Variants in TNFRSF18 observed in about 807,000 individuals in gnomAD.
TNFRSF18 encodes the protein tumor necrosis factor receptor superfamily member 18.
Under a neutral mutation model 30.2 loss-of-function variants are expected in TNFRSF18, and 36 were observed. The ratio of observed to expected loss-of-function variants is 1.19; its 90% confidence interval spans 0.91 to 1.58. The LOEUF is 1.58. Among genes scored for constraint, TNFRSF18 ranks in the 40% most tolerant of loss-of-function variants. The probability of loss-of-function intolerance (pLI) is 0.00; values close to 1 mark genes in which losing one functional copy is unlikely to be tolerated. For missense variants in TNFRSF18, 369 were observed against 345.4 expected (o/e 1.07, Z -0.54); for synonymous variants, 173 against 158.3 (o/e 1.09, Z -0.70).
chr1:1,203,897 G>T lies in TNFRSF18; in HGVS notation c.673C>A (p.Arg225=). The T allele has an allele frequency of 2.5e-6, 4 of 1,606,444 alleles. No individual in the cohort carries two copies. The highest frequency in any genetic ancestry group is 2.5e-6 in the Non-Finnish European group (3 of 1,179,228). ...ARSCQFPEEE[R]GERSAEEKGR... ...TTCTCCTCTGCCGATCGCTCGCCCC[G>T]CTCTTCCTCGGGGAACTGGCAGCTT... The change falls in exon 5 of 5, where the codon CGG becomes AGG. Residue 225 remains arginine (R), a synonymous_variant. Coordinates refer to ENST00000379268, the MANE Select transcript of TNFRSF18 (RefSeq NM_004195.3).
In TNFRSF18 at chr1:1,204,500, TGGGG is replaced by T; in HGVS notation, c.311-18_311-15del. 2.8e-5 allele frequency: 10 copies of T among 354,578 alleles called. No individual in the cohort carries two copies. Among genetic ancestry groups the T allele is most frequent in the Non-Finnish European group, 5.0e-5 (9 of 181,072 alleles). The allele number at this position is 354,578 out of a possible 1,614,324, so 22.0% of individuals were successfully genotyped here. A position where few individuals can be genotyped will look rare whatever the true frequency, so the allele number is the denominator to read the frequency against. On this transcript the variant is annotated splice_polypyrimidine_tract_variant and intron_variant, in intron 2 of 4. Transcript: ENST00000379268. ...AACTGAATTTCCCTGGTGTGGGGTG[TGGGG>T]GGAGGGAGGGAGGGAGGCTGGTGGA... is the stretch of plus-strand genomic sequence containing the variant.
chr1:1,205,940 C>T (rs1454538911), intron 1 of TNFRSF18, among the ~76,000 whole-genome samples: 1 of 152,240 alleles, frequency 6.6e-6, no homozygotes. Flanking sequence ...GGGGTGACTT[C>T]CCTGCCAGCT....
rs369069502 is a variant in TNFRSF18 at position 1,203,579 on chromosome 1, C to T, written c.*265G>A. The T allele has an allele frequency of 1.2e-4, 178 of 1,497,118 alleles. No homozygotes were observed. Among genetic ancestry groups the T allele is most frequent in the Non-Finnish European group, 1.4e-4 (164 of 1,131,864 alleles). 92.7% of individuals were successfully genotyped at this position (1,497,118 alleles called of 1,614,324 possible). ...GCTGGGCACTGCACACCCACGGACACAGCCTCCCGTCCTAAGACCCCACCC... is the reference window on the plus strand; with the variant it reads ...GCTGGGCACTGCACACCCACGGACATAGCCTCCCGTCCTAAGACCCCACCC... On this transcript the variant is annotated 3_prime_UTR_variant, in exon 5 of 5. Coordinates refer to ENST00000379268, the MANE Select transcript of TNFRSF18 (RefSeq NM_004195.3).
At chr1:1,206,079 CT>C (rs1388532371) in intron 1 of TNFRSF18, among the ~76,000 whole-genome samples, 2 of 152,192 alleles carry the variant, frequency 1.3e-5, no homozygotes, top group East Asian at 1.9e-4. Flanking sequence ...TGGCCAAGGG[CT>C]CACGACCCGC....
chr1:1,206,138 C>T lies in TNFRSF18; in HGVS notation c.187+247G>A, dbSNP rs986904303. ...TCCTCCACCTCCAGACCCCAGACCC[C>T]TCTTGAGGGCGCTCCCACCTGGCTC... On this transcript the variant is annotated intron_variant, in intron 1 of 4. Coordinates refer to ENST00000379268, the MANE Select transcript of TNFRSF18 (RefSeq NM_004195.3). 3.3e-5 allele frequency among the ~76,000 whole-genome samples: 5 copies of T among 152,342 alleles called. No homozygotes were observed. In the Middle Eastern group the frequency reaches 0.01, roughly 311 times the overall value.
rs145210135 is a variant in TNFRSF18 at position 1,204,411 on chromosome 1, T to G, written c.386A>C (p.Lys129Thr). 3.7e-6 allele frequency: 6 copies of G among 1,612,638 alleles called. No homozygotes were observed. Among genetic ancestry groups the G allele is most frequent in the Non-Finnish European group, 5.1e-6 (6 of 1,179,908 alleles). The change falls in exon 3 of 5, where the codon AAA (lysine) becomes ACA (threonine). Residue 129 changes from lysine (K) to threonine (T), a missense_variant. Lys to Thr is a moderately conservative substitution (Grantham distance 78, BLOSUM62 -1). Transcript: ENST00000379268. ...TFSGGHEGHC[K>T]PWTDCTQFGF... The stretch of plus-strand genomic sequence containing the variant: ...ACCCAGGACTCACTCTGTCCAAGGT[T>G]TGCAGTGGCCTTCGTGGCCCCCGGA...
In TNFRSF18 at chr1:1,203,535, C is replaced by T. The variant is rs11466696; in HGVS notation, c.*309G>A. 2,438 of 1,438,486 alleles carry T rather than the reference C, an allele frequency of 1.7e-3. 32 individuals carry two copies. In the African/African-American group the frequency reaches 0.028, roughly 17 times the overall value. 89.1% of individuals were successfully genotyped at this position (1,438,486 alleles called of 1,614,324 possible). A position where few individuals can be genotyped will look rare whatever the true frequency, so the allele number is the denominator to read the frequency against. Reference sequence around the variant, plus strand: ...ACTGGACAAGTGTTTATTGAAGGTCCCCTGCAGCCGGGTCCCGTGCTGGGC... The same window carrying T: ...ACTGGACAAGTGTTTATTGAAGGTCTCCTGCAGCCGGGTCCCGTGCTGGGC... On this transcript the variant is annotated 3_prime_UTR_variant, in exon 5 of 5. Transcript: ENST00000379268.
In TNFRSF18 at chr1:1,204,323, C is replaced by A. The variant is rs540319716; in HGVS notation, c.398+76G>T. 536 of 1,594,306 alleles carry A rather than the reference C, an allele frequency of 3.4e-4. 1 individual carries two copies. The African/African-American group carries it at 5.3e-3, about 16-fold the overall frequency. ...CTGCTGCCCTCCGTGCTGTCTGGGG[C>A]AAGGGACAGGAGAGGACCCTTCCTC... On this transcript the variant is annotated intron_variant, in intron 3 of 4. Coordinates refer to ENST00000379268, the MANE Select transcript of TNFRSF18 (RefSeq NM_004195.3).
intron 2 of TNFRSF18, among the ~76,000 whole-genome samples, chr1:1,204,813 TGGA>T (rs1648734343): frequency 6.6e-6 from 1 of 151,816 alleles, no homozygotes; most frequent in Admixed American, 6.6e-5. Flanking sequence ...GAACAGAGGG[TGGA>T]GAACAGTGAG....
At position 1,204,143 on chromosome 1, in the gene TNFRSF18, C is replaced by T. The variant is rs1338045220; in HGVS notation, c.492G>A (p.Gly164=). Residue 164 remains glycine, a synonymous_variant, in exon 4 of 5, where the codon GGG becomes GGA. Coordinates refer to ENST00000379268, the MANE Select transcript of TNFRSF18 (RefSeq NM_004195.3). ...VPGSPPAEPL[G]WLTVVLLAVA... ...CGGCCAGGAGGACGACGGTCAGCCA[C>T]CCAAGCGGCTCTGCCGGCGGGGACC... 1 of 1,612,102 alleles carries T rather than the reference C, an allele frequency of 6.2e-7. No individual in the cohort carries two copies. The highest frequency in any genetic ancestry group is 1.1e-5 in the South Asian group (1 of 90,972).
rs1433569537 is a variant in TNFRSF18 at position 1,204,401 on chromosome 1, T to G, written c.396A>C (p.Thr132=). The G allele has an allele frequency of 6.2e-7, 1 of 1,612,356 alleles. No individual in the cohort carries two copies. Among genetic ancestry groups the G allele is most frequent in the African/African-American group, 1.3e-5 (1 of 74,916 alleles). Residue 132 remains threonine, a splice_region_variant and synonymous_variant, in exon 3 of 5, where the codon ACA becomes ACC. Transcript: ENST00000379268. ...GGCAGGGCCCACCCAGGACTCACTC[T>G]GTCCAAGGTTTGCAGTGGCCTTCGT... ...GGHEGHCKPW[T]DCTQFGFLTV...
rs755339596 is a variant in TNFRSF18 at position 1,206,421 on chromosome 1, G to A, written c.151C>T (p.Arg51Trp). The change falls in exon 1 of 5, where the codon CGG becomes TGG. Residue 51 changes from arginine (R) to tryptophan (W), a missense_variant. Arg to Trp is a moderately radical substitution (Grantham distance 101). Coordinates refer to ENST00000379268, the MANE Select transcript of TNFRSF18 (RefSeq NM_004195.3). The part of the protein sequence containing the change: ...LGTGTDARCC[R>W]VHTTRCCRDY... ...CGGCAGCAGCGCGTCGTGTGAACCC[G>A]GCAGCAGCGCGCGTCCGTTCCCGTC... 31 of 1,547,278 alleles carry A rather than the reference G, an allele frequency of 2.0e-5. No homozygotes were observed. Among genetic ancestry groups the A allele is most frequent in the Middle Eastern group, 2.0e-4 (1 of 4,930 alleles).
At chr1:1,205,271 C>G in intron 2 of TNFRSF18, 99 bp downstream of exon 2, 1 of 1,532,778 alleles carries the variant, frequency 6.5e-7, no homozygotes, top group Admixed American at 2.0e-5. Context: ...CCCCACACAC[C>G]ACATGTCCTC....
At position 1,206,394 on chromosome 1, in the gene TNFRSF18, C is replaced by G. The variant is rs1375334155; in HGVS notation, c.178G>C (p.Asp60His). Reference protein sequence around the residue: ...CRVHTTRCCRDYPGEECCSEW... With the variant: ...CRVHTTRCCRHYPGEECCSEW... ...AACGCGGTTTACTTACCCGGGTAATCGCGGCAGCAGCGCGTCGTGTGAACC... is the reference window on the plus strand; with the variant it reads ...AACGCGGTTTACTTACCCGGGTAATGGCGGCAGCAGCGCGTCGTGTGAACC... Residue 60 changes from aspartate to histidine, a missense_variant, in exon 1 of 5, where the codon GAT becomes CAT. Physicochemically the swap from Asp to His is moderately conservative, Grantham distance 81 (BLOSUM62 -1). Coordinates refer to ENST00000379268, the MANE Select transcript of TNFRSF18 (RefSeq NM_004195.3). The G allele has an allele frequency of 1.2e-5, 18 of 1,547,006 alleles. No homozygotes were observed. The highest frequency in any genetic ancestry group is 1.6e-5 in the Non-Finnish European group (18 of 1,146,170).
At chr1:1,206,258 G>A (rs1001870117) in intron 1 of TNFRSF18, 127 bp downstream of exon 1, 15 of 1,092,250 alleles carry the variant, frequency 1.4e-5, no homozygotes, top group South Asian at 5.0e-5. Flanking sequence ...CGCTGCTGGC[G>A]GCTCTGTGCC....
Position 1,204,390 on chromosome 1 carries a change from A to C in TNFRSF18, c.398+9T>G. 3 of 1,612,228 alleles carry C rather than the reference A, an allele frequency of 1.9e-6. No individual in the cohort carries two copies. The highest frequency in any genetic ancestry group is 2.5e-6 in the Non-Finnish European group (3 of 1,179,614). ...ACCCGGCCACCGGCAGGGCCCACCC[A>C]GGACTCACTCTGTCCAAGGTTTGCA... On this transcript the variant is annotated intron_variant, in intron 3 of 4. Transcript: ENST00000379268.
chr1:1,204,877 G>A (rs1285954368), intron 2 of TNFRSF18, among the ~76,000 whole-genome samples: 5 of 152,118 alleles, frequency 3.3e-5, no homozygotes, highest in Non-Finnish European at 2.9e-5. Context: ...ACCCTGCCCC[G>A]TCCAACCTGA....
chr1:1,205,575 T>A, intron 1 of TNFRSF18, 83 bp from the exon 2 acceptor site: 1 of 1,469,376 alleles, frequency 6.8e-7, no homozygotes, highest in South Asian at 1.3e-5. Context: ...TCCAGGGGAG[T>A]GAGGTTGTCC....
At position 1,206,396 on chromosome 1, in the gene TNFRSF18, C is replaced by T. The variant is rs141996135; in HGVS notation, c.176G>A (p.Arg59His). 8,462 of 1,547,186 alleles carry T rather than the reference C, an allele frequency of 5.5e-3. 28 individuals carry two copies. The highest frequency in any genetic ancestry group is 6.7e-3 in the Non-Finnish European group (7,675 of 1,146,190). The change falls in exon 1 of 5, where the codon CGC becomes CAC. Residue 59 changes from arginine (R) to histidine (H), a missense_variant. Arg to His is a conservative substitution (Grantham distance 29). Transcript: ENST00000379268. ...CGCGGTTTACTTACCCGGGTAATCGCGGCAGCAGCGCGTCGTGTGAACCCG... is the reference window on the plus strand; with the variant it reads ...CGCGGTTTACTTACCCGGGTAATCGTGGCAGCAGCGCGTCGTGTGAACCCG... Reference protein sequence around the residue: ...CCRVHTTRCCRDYPGEECCSE... With the variant: ...CCRVHTTRCCHDYPGEECCSE...
Sources: gnomAD v4.1 joint callset for allele counts (sites outside exome capture counted in the v4.1 genomes callset) on GRCh38, gnomAD v4.1.1 for gene constraint, MANE v1.5 for transcripts, NCBI Gene and HGNC (gene_info 2026-07-23, HGNC 2026-07-21) for gene names.